RNF212: variants seen among roughly 807,000 people sequenced by gnomAD.
RNF212 encodes the protein ring finger protein 212.
In RNF212, 33 loss-of-function variants were observed where a neutral mutation model predicts 34.7. The observed-to-expected ratio is 0.95, with a 90% CI of 0.72 to 1.27. The LOEUF (loss-of-function observed/expected upper bound fraction) is 1.27, where lower values mean the gene tolerates loss of function less well. Among genes scored for constraint, RNF212 ranks in the 50% most tolerant of loss-of-function variants. RNF212 has a pLI of 0.00. For synonymous variants in RNF212, 140 were observed against 136.1 expected, an observed-to-expected ratio of 1.03 and a Z score of -0.20; for missense variants, 377 against 362.2, an observed-to-expected ratio of 1.04 and a Z score of -0.33.
At chr4:1,063,918 A>G (rs1437777778) in intron 3 of RNF212, among the ~76,000 whole-genome samples, 21 of 151,960 alleles carry the variant, frequency 1.4e-4, no homozygotes, top group Admixed American at 1.2e-3. Context: ...TGGAAGCCAG[A>G]AGACAGAGGA....
At chr4:1,065,247 C>T (rs1644919160) in intron 3 of RNF212, among the ~76,000 whole-genome samples, 1 of 152,218 alleles carries the variant, frequency 6.6e-6, no homozygotes, top group South Asian at 2.1e-4. Context: ...CACATTCTCA[C>T]CAACAGTGCA....
rs1718065695 is a variant in RNF212 at position 1,065,941 on chromosome 4, A to C, written n.148-7548T>G. Among the ~76,000 whole-genome samples, 7 of 145,382 alleles carry C rather than the reference A, an allele frequency of 4.8e-5. No individual in the cohort carries two copies. In the South Asian group the frequency reaches 1.3e-3, roughly 26 times the overall value. On this transcript the variant is annotated intron_variant and non_coding_transcript_variant, in intron 3 of 4. Transcript: ENST00000503206. ...GTCCAGGCTGGAGTGCAGTGATGCA[A>C]TCATAGTTCACTGCAGCCTTGACCT... is the stretch of plus-strand genomic sequence containing the variant.
intron 4 of RNF212, among the ~76,000 whole-genome samples, chr4:1,057,836 A>G (rs1717435969): frequency 6.6e-6 from 1 of 152,244 alleles, no homozygotes; most frequent in African/African-American, 2.4e-5. Flanking sequence ...AGGCCGAGGC[A>G]GGCAGATCAC....
chr4:1,073,748 T>C, intron 8 of RNF212, 86 bp from the exon 9 acceptor site: 1 of 883,764 alleles, frequency 1.1e-6, no homozygotes, highest in South Asian at 1.4e-5. Flanking sequence ...TAGGAACACA[T>C]TTCCCAGAAC....
chr4:1,068,318 T>C (rs1045525045), downstream of RNF212, among the ~76,000 whole-genome samples: 2 of 152,266 alleles, frequency 1.3e-5, no homozygotes, highest in Non-Finnish European at 2.9e-5. Context: ...CTGCTATTTA[T>C]TCTCCAATGC....
chr4:1,081,611 G>C lies in RNF212; in HGVS notation c.371C>G (p.Ser124Ter). The change falls in exon 6 of 10, where the codon TCA (serine) becomes TGA (stop). Residue 124 changes from serine to a stop codon, truncating the protein, a stop_gained. Coordinates refer to ENST00000433731, the MANE Select transcript of RNF212 (RefSeq NM_001131034.4). LOFTEE classifies it high-confidence loss of function. ...TGTGCTGAAAGCTGTTTGTTGTGAT[G>C]ATCTCATACTAAATAGATGGAGAAA... ...LQIEQLQSMR[S>*]SQQTAFSTIK... The C allele has an allele frequency of 6.2e-7, 1 of 1,605,704 alleles. No individual in the cohort carries two copies. Among genetic ancestry groups the C allele is most frequent in the Non-Finnish European group, 8.5e-7 (1 of 1,172,524 alleles).
chr4:1,099,735 G>A (rs1242242653), intron 2 of RNF212: 2 of 456,282 alleles, frequency 4.4e-6, no homozygotes, highest in Non-Finnish European at 8.8e-6. Context: ...GAAGGCCTTT[G>A]CTGCGTCTGA....
intron 2 of RNF212, among the ~76,000 whole-genome samples, chr4:1,099,269 A>AT (rs1163068238): frequency 1.5e-4 from 23 of 152,228 alleles, no homozygotes; most frequent in Non-Finnish European, 2.8e-4. Context: ...AGAAAAAGAC[A>AT]TTTTTTTAAA....
intron 3 of RNF212, chr4:1,093,204 C>A (rs979408677): frequency 1.0e-5 from 3 of 288,564 alleles, no homozygotes; most frequent in African/African-American, 6.7e-5. Flanking sequence ...GAGTTTTGGT[C>A]TTGGGCCAGT....
intron 2 of RNF212, among the ~76,000 whole-genome samples, chr4:1,104,818 C>T (rs57280685): frequency 0.047 from 7,083 of 152,250 alleles, 567 homozygotes; most frequent in African/African-American, 0.16. Flanking sequence ...TCTGCATCCT[C>T]GCCATGACCT....
At chr4:1,087,961 C>T (rs536321361) in intron 4 of RNF212, among the ~76,000 whole-genome samples, 2 of 152,190 alleles carry the variant, frequency 1.3e-5, no homozygotes, top group East Asian at 1.9e-4. Context: ...TTATAAATCA[C>T]CCAGTCTCAG....
intron 5 of RNF212, among the ~76,000 whole-genome samples, chr4:1,084,824 A>G (rs1377548352): frequency 6.6e-6 from 1 of 152,004 alleles, no homozygotes; most frequent in Non-Finnish European, 1.5e-5. Flanking sequence ...GATGCCTGGA[A>G]CACACCCTTC....
Position 1,079,749 on chromosome 4 carries a change from T to C in RNF212, c.465-61A>G, listed in dbSNP as rs114478989. 271 of 1,081,826 alleles carry C rather than the reference T, an allele frequency of 2.5e-4. No homozygotes were observed. In the African/African-American group the frequency reaches 3.5e-3, roughly 14 times the overall value. 67.0% of individuals were successfully genotyped at this position (1,081,826 alleles called of 1,614,324 possible). A position where few individuals can be genotyped will look rare whatever the true frequency, so the allele number is the denominator to read the frequency against. On this transcript the variant is annotated intron_variant, in intron 7 of 9. Coordinates refer to ENST00000433731, the MANE Select transcript of RNF212 (RefSeq NM_001131034.4). ...CAGGACTTACCTCTAACAACGTCAG[T>C]TGAAATACACACATGACGAGATGAT...
At position 1,078,982 on chromosome 4, in the gene RNF212, T is replaced by TCAACACAGGAC. The variant is rs1560109538; in HGVS notation, c.510+650_510+660dup. On this transcript the variant is annotated intron_variant, in intron 8 of 9. Coordinates refer to ENST00000433731, the MANE Select transcript of RNF212 (RefSeq NM_001131034.4). ...GGACCAACATAGGACCAACACAGGG[T>TCAACACAGGAC]CAACACAGGACCAACATAGGACCAA... Among the ~76,000 whole-genome samples, 9 of 71,460 alleles carry TCAACACAGGAC rather than the reference T, an allele frequency of 1.3e-4. 1 individual carries two copies. Among genetic ancestry groups the TCAACACAGGAC allele is most frequent in the Admixed American group, 4.1e-4 (3 of 7,364 alleles). The allele number at this position is 71,460 out of a possible 152,430, so 46.9% of individuals were successfully genotyped here. A position where few individuals can be genotyped will look rare whatever the true frequency, so the allele number is the denominator to read the frequency against.
At chr4:1,087,973 T>C (rs1267247261) in intron 4 of RNF212, among the ~76,000 whole-genome samples, 1 of 152,112 alleles carries the variant, frequency 6.6e-6, no homozygotes, top group African/African-American at 2.4e-5. Context: ...CAGTCTCAGG[T>C]AGTTCTTTAT....
At chr4:1,095,298 G>C (rs1469317430) in intron 3 of RNF212, among the ~76,000 whole-genome samples, 2 of 83,664 alleles carry the variant, frequency 2.4e-5, no homozygotes, top group Admixed American at 1.0e-4. Flanking sequence ...ATGGTCTCGG[G>C]ATAGCGCACC....
chr4:1,110,323 C>T (rs1182376596), intron 1 of RNF212, among the ~76,000 whole-genome samples: 4 of 152,118 alleles, frequency 2.6e-5, no homozygotes, highest in African/African-American at 9.7e-5. Context: ...TAGTAAGAGA[C>T]ACCAAAGAGG....
At chr4:1,094,929 C>T (rs1321515257) in intron 3 of RNF212, among the ~76,000 whole-genome samples, 1 of 152,216 alleles carries the variant, frequency 6.6e-6, no homozygotes, top group East Asian at 1.9e-4. Flanking sequence ...AAATCAGAAC[C>T]TTTTGTATGT....
intron 8 of RNF212, among the ~76,000 whole-genome samples, chr4:1,075,090 G>A (rs1389441732): frequency 6.6e-6 from 1 of 152,216 alleles, no homozygotes; most frequent in African/African-American, 2.4e-5. Flanking sequence ...AGTTACAGAA[G>A]ACAGTGGTGC....
Sources: allele counts gnomAD v4.1 joint callset (sites outside exome capture counted in the v4.1 genomes callset), GRCh38; gene constraint gnomAD v4.1.1; transcripts MANE v1.5; gene names NCBI Gene and HGNC (gene_info 2026-07-23, HGNC 2026-07-21).